Variants in UBE2E3 observed in about 807,000 individuals in gnomAD.
UBE2E3 encodes ubiquitin conjugating enzyme E2 E3, also known as ubiquitin-conjugating enzyme E2 E3.
Under a neutral mutation model 23.6 loss-of-function variants are expected in UBE2E3, and 5 were observed. That is an observed-to-expected ratio of 0.21 (90% CI 0.11 to 0.44). UBE2E3 has a LOEUF of 0.44. Ranked by LOEUF, UBE2E3 falls within the 20% of genes least tolerant of loss-of-function variation. The pLI is 0.99. For synonymous variants in UBE2E3, 78 were observed against 87.5 expected, an observed-to-expected ratio of 0.89 and a Z score of 0.60; for missense variants, 81 against 249.8, an observed-to-expected ratio of 0.32 and a Z score of 4.55.
intron 3 of UBE2E3, among the ~76,000 whole-genome samples, chr2:181,030,315 T>G (rs189007333): frequency 4.9e-4 from 74 of 152,144 alleles, no homozygotes; most frequent in African/African-American, 1.7e-3. Context: ...TTGTATTTAT[T>G]TATTTATTTA....
chr2:181,015,272 A>G (rs533282332), intron 3 of UBE2E3, among the ~76,000 whole-genome samples: 2 of 152,310 alleles, frequency 1.3e-5, no homozygotes, highest in East Asian at 1.9e-4. Context: ...TTAAGCCTAC[A>G]TATAGTCACA....
chr2:181,024,953 C>T (rs1280308191), intron 3 of UBE2E3, among the ~76,000 whole-genome samples: 1 of 151,864 alleles, frequency 6.6e-6, no homozygotes, highest in Non-Finnish European at 1.5e-5. Context: ...AAAAGTAGAA[C>T]AGTTGCAAAG....
intron 3 of UBE2E3, among the ~76,000 whole-genome samples, chr2:181,026,873 TATA>T (rs75677340): frequency 0.23 from 35,263 of 151,686 alleles, 4,440 homozygotes; most frequent in Non-Finnish European, 0.28. Context: ...TTATTGATCA[TATA>T]ATATTTTGTG....
chr2:181,012,577 A>T (rs1685364461), intron 3 of UBE2E3, among the ~76,000 whole-genome samples: 2 of 152,232 alleles, frequency 1.3e-5, no homozygotes, highest in African/African-American at 4.8e-5. Context: ...GAGGTTTAAC[A>T]TGTAATGGCC....
chr2:181,046,471 C>T (rs1421490923), intron 3 of UBE2E3, among the ~76,000 whole-genome samples: 1 of 152,106 alleles, frequency 6.6e-6, no homozygotes, highest in African/African-American at 2.4e-5. Flanking sequence ...GAGCTTGACA[C>T]ATTTATCAAC....
At position 181,023,922 on chromosome 2, in the gene UBE2E3, A is replaced by G; in HGVS notation, c.246-33771A>G. ...ATTACTACTATTATTATTATCCTTA[A>G]TTTAAGTAGACTCTTTATTTCTCCC... On this transcript the variant is annotated intron_variant, in intron 3 of 5. Transcript: ENST00000410062. 2.0e-5 allele frequency among the ~76,000 whole-genome samples: 3 copies of G among 152,222 alleles called. 1 individual carries two copies. The Middle Eastern group carries it at 0.01, about 518-fold the overall frequency.
intron 3 of UBE2E3, among the ~76,000 whole-genome samples, chr2:181,045,326 G>A (rs56227816): frequency 0.039 from 5,989 of 152,230 alleles, 222 homozygotes; most frequent in African/African-American, 0.094. Flanking sequence ...GCCCAGCAAA[G>A]CTGCATTACC....
intron 3 of UBE2E3, among the ~76,000 whole-genome samples, chr2:180,997,030 T>C (rs1241380155): frequency 6.6e-6 from 1 of 152,026 alleles, no homozygotes; most frequent in Non-Finnish European, 1.5e-5. Flanking sequence ...CTTTTTATTA[T>C]TAATGAATTT....
intron 3 of UBE2E3, among the ~76,000 whole-genome samples, chr2:181,024,821 T>C (rs1455227906): frequency 3.3e-5 from 5 of 151,962 alleles, no homozygotes; most frequent in Non-Finnish European, 7.4e-5. Flanking sequence ...ATCACAGAAA[T>C]GAAATAAGGA....
chr2:181,006,276 A>G lies in UBE2E3; in HGVS notation c.245+22183A>G, dbSNP rs1294229009. 2.6e-5 allele frequency among the ~76,000 whole-genome samples: 4 copies of G among 152,036 alleles called. No individual in the cohort carries two copies. In the East Asian group the frequency reaches 5.8e-4, roughly 22 times the overall value. ...ATTCCCTTGAGCTGGCATTAGGTTT[A>G]AGGCCATAGAGTTTGCTTAAATAGA... On this transcript the variant is annotated intron_variant, in intron 3 of 5. Transcript: ENST00000410062.
rs142887179 is a variant in UBE2E3, at chr2:181,049,686, C to T, written c.246-8007C>T. Among the ~76,000 whole-genome samples, 680 of 152,020 alleles carry T rather than the reference C, an allele frequency of 4.5e-3. 11 individuals carry two copies. Among genetic ancestry groups the T allele is most frequent in the African/African-American group, 0.015 (623 of 41,514 alleles). ...AGAAAGCATTATTGCATTATCTGTG[C>T]AGATAGAAGCCTTTAGGCAGATGCC... On this transcript the variant is annotated intron_variant, in intron 3 of 5. Transcript: ENST00000410062.
In UBE2E3 at chr2:181,007,643, G is replaced by A. The variant is rs961945289; in HGVS notation, c.245+23550G>A. Among the ~76,000 whole-genome samples the A allele has an allele frequency of 7.2e-5, 11 of 152,114 alleles. 1 individual carries two copies. Among genetic ancestry groups the A allele is most frequent in the Admixed American group, 1.3e-4 (2 of 15,262 alleles). On this transcript the variant is annotated intron_variant, in intron 3 of 5. Transcript: ENST00000410062. ...TTTGGTCTCCAGAGTTACCATCCTGGAAGGGGCAGTGTGTCAATGTATTCT... is the reference window on the plus strand; with the variant it reads ...TTTGGTCTCCAGAGTTACCATCCTGAAAGGGGCAGTGTGTCAATGTATTCT...
At chr2:180,998,664 C>T (rs1485150648) in intron 3 of UBE2E3, among the ~76,000 whole-genome samples, 1 of 152,072 alleles carries the variant, frequency 6.6e-6, no homozygotes, top group East Asian at 1.9e-4. Context: ...TATTAAGGCC[C>T]TGTGCGTGAG....
intron 3 of UBE2E3, among the ~76,000 whole-genome samples, chr2:181,000,164 A>G (rs1350581719): frequency 6.6e-6 from 1 of 152,240 alleles, no homozygotes; most frequent in African/African-American, 2.4e-5. Flanking sequence ...TTTGTTCACT[A>G]GGTGTTCAGA....
intron 3 of UBE2E3, among the ~76,000 whole-genome samples, chr2:181,045,438 C>A (rs910076635): frequency 8.5e-5 from 13 of 152,170 alleles, no homozygotes; most frequent in African/African-American, 3.1e-4. Context: ...TTAGAGAGCC[C>A]AGGCAATTAT....
intron 3 of UBE2E3, among the ~76,000 whole-genome samples, chr2:181,009,022 T>A (rs534937587): frequency 7.1e-6 from 1 of 141,772 alleles, no homozygotes; most frequent in Non-Finnish European, 1.6e-5. Flanking sequence ...ATAGCAGTGC[T>A]AAGGATACTT....
intron 3 of UBE2E3, among the ~76,000 whole-genome samples, chr2:181,020,424 G>T (rs919132562): frequency 3.9e-5 from 6 of 152,104 alleles, no homozygotes; most frequent in African/African-American, 1.4e-4. Context: ...CAGTGACTCT[G>T]TTTCCAAATA....
intron 3 of UBE2E3, among the ~76,000 whole-genome samples, chr2:181,000,121 T>A (rs1684947800): frequency 6.6e-6 from 1 of 152,238 alleles, no homozygotes; most frequent in Non-Finnish European, 1.5e-5. Context: ...TTTCTAGATG[T>A]ATTAGATACA....
intron 3 of UBE2E3, among the ~76,000 whole-genome samples, chr2:180,985,854 G>C (rs947791526): frequency 1.3e-5 from 2 of 152,026 alleles, no homozygotes; most frequent in African/African-American, 4.8e-5. Context: ...CATAAATCTA[G>C]AGAGCCTAGT....
Sources: gnomAD v4.1 joint callset for allele counts (sites outside exome capture counted in the v4.1 genomes callset) on GRCh38, gnomAD v4.1.1 for gene constraint, MANE v1.5 for transcripts, NCBI Gene and HGNC (gene_info 2026-07-23, HGNC 2026-07-21) for gene names.